Variants in NPHP4 observed in about 807,000 individuals in gnomAD.
NPHP4 encodes the protein nephrocystin-4.
NPHP4 carries 151 observed loss-of-function variants against 155.8 expected under a neutral mutation model. That is an observed-to-expected ratio of 0.97 (90% CI 0.85 to 1.11). The LOEUF is 1.11. Among genes scored for constraint, NPHP4 ranks in the 50% least tolerant of loss-of-function variants. NPHP4 has a pLI of 0.00. For missense variants in NPHP4, 1,956 were observed against 1,925.7 expected (o/e 1.02, Z -0.29); for synonymous variants, 845 against 816.8 (o/e 1.03, Z -0.59).
intron 1 of NPHP4, among the ~76,000 whole-genome samples, chr1:5,986,955 C>T (rs915495261): frequency 6.6e-6 from 1 of 152,056 alleles, no homozygotes; most frequent in African/African-American, 2.4e-5. Context: ...AGAGGGAATA[C>T]AGCCCTTGGG....
rs1222176472 is a variant in NPHP4, at chr1:5,889,985, A to T, written c.2304+883T>A. Among the ~76,000 whole-genome samples, 2 of 152,158 alleles carry T rather than the reference A, an allele frequency of 1.3e-5. No homozygotes were observed. The highest frequency in any genetic ancestry group is 6.5e-5 in the Admixed American group (1 of 15,284). ...CCAAGAGCAGACCATGCCTCAGAGG[A>T]AGAGCAGCTGGAAAAACTCCCATAC... On this transcript the variant is annotated intron_variant, in intron 17 of 29. Coordinates refer to ENST00000378156, the MANE Select transcript of NPHP4 (RefSeq NM_015102.5). The surrounding 1 kb of genome is among the most constrained non-coding windows in gnomAD (Gnocchi z 4.2).
At chr1:5,901,692 G>A (rs1316074554) in intron 16 of NPHP4, among the ~76,000 whole-genome samples, 1 of 152,182 alleles carries the variant, frequency 6.6e-6, no homozygotes, top group African/African-American at 2.4e-5. Flanking sequence ...TAACTTCGTT[G>A]CAGAGCCTCT....
chr1:5,969,556 C>G (rs1188954201), intron 3 of NPHP4, among the ~76,000 whole-genome samples: 3 of 152,198 alleles, frequency 2.0e-5, no homozygotes, highest in African/African-American at 7.2e-5. Flanking sequence ...AGGAATTCCA[C>G]CACAAGAAAC....
intron 9 of NPHP4, among the ~76,000 whole-genome samples, chr1:5,940,853 T>C (rs893800328): frequency 2.6e-5 from 4 of 152,246 alleles, no homozygotes; most frequent in African/African-American, 9.6e-5. Flanking sequence ...CTAAACATCC[T>C]TGAGATGTAA....
At chr1:5,869,802 A>G (rs1641813230) in intron 23 of NPHP4, among the ~76,000 whole-genome samples, 1 of 152,222 alleles carries the variant, frequency 6.6e-6, no homozygotes, top group African/African-American at 2.4e-5. Context: ...TTAGGCAAAT[A>G]AGTAAGCCAA....
chr1:5,919,432 C>T (rs893019465), intron 11 of NPHP4, among the ~76,000 whole-genome samples: 2 of 152,190 alleles, frequency 1.3e-5, no homozygotes, highest in African/African-American at 4.8e-5. Context: ...GCACGTGATT[C>T]TTCTTGCTAC....
In NPHP4 at chr1:5,927,787, C is replaced by A; in HGVS notation, c.1303G>T (p.Val435Leu). The part of the protein sequence containing the change: ...VPSASMSSEE[V>L]KQVESGTLRF... ...AGTGTACCCGACTCCACCTGCTTCACCTGCAATGGACCAGAAGAGCAGTGA... is the reference window on the plus strand; with the variant it reads ...AGTGTACCCGACTCCACCTGCTTCAACTGCAATGGACCAGAAGAGCAGTGA... The change falls in exon 11 of 30, where the codon GTG (valine) becomes TTG (leucine). Residue 435 changes from valine (V) to leucine (L), a missense_variant and splice_region_variant. Coordinates refer to ENST00000378156, the MANE Select transcript of NPHP4 (RefSeq NM_015102.5). The A allele has an allele frequency of 6.2e-7, 1 of 1,609,362 alleles. No individual in the cohort carries two copies. The highest frequency in any genetic ancestry group is 8.5e-7 in the Non-Finnish European group (1 of 1,176,036).
At chr1:5,937,888 A>G (rs1050601792) in intron 9 of NPHP4, among the ~76,000 whole-genome samples, 21 of 152,218 alleles carry the variant, frequency 1.4e-4, no homozygotes, top group African/African-American at 3.9e-4. Flanking sequence ...GAGGCCTAAG[A>G]TAAGTGTGAG....
chr1:5,929,410 A>G (rs929352904), intron 10 of NPHP4, among the ~76,000 whole-genome samples: 1 of 152,184 alleles, frequency 6.6e-6, no homozygotes, highest in Non-Finnish European at 1.5e-5. Flanking sequence ...GTCTTTCACC[A>G]TTAAGTATGA....
chr1:5,948,171 G>A lies in NPHP4; in HGVS notation c.891C>T (p.Phe297=), dbSNP rs547403324. 5.4e-5 allele frequency: 87 copies of A among 1,612,910 alleles called. No individual in the cohort carries two copies. The highest frequency in any genetic ancestry group is 1.7e-4 in the Middle Eastern group (1 of 6,060). ...LRVGVHNGLG[F]VQRPQVVVLV... ...GTACAACGACCTGCGGCCTCTGCAC[G>A]AAGCCCAGACCATTGTGCACGCCCA... The change falls in exon 8 of 30, where the codon TTC becomes TTT. Residue 297 remains phenylalanine, a synonymous_variant. Coordinates refer to ENST00000378156, the MANE Select transcript of NPHP4 (RefSeq NM_015102.5).
At chr1:5,973,837 C>T (rs1170488194) in intron 3 of NPHP4, among the ~76,000 whole-genome samples, 10 of 152,222 alleles carry the variant, frequency 6.6e-5, no homozygotes, top group Admixed American at 3.9e-4. Flanking sequence ...CAGCTGCAAA[C>T]AGACAGGCAC....
At chr1:5,894,448 TCA>T (rs1644295117) in intron 16 of NPHP4, among the ~76,000 whole-genome samples, 1 of 132,030 alleles carries the variant, frequency 7.6e-6, no homozygotes, top group African/African-American at 2.8e-5. Flanking sequence ...AGACCCAGTC[TCA>T]AAAAAAAAAA....
At chr1:5,897,665 G>A (rs12728066) in intron 16 of NPHP4, among the ~76,000 whole-genome samples, 18,518 of 152,176 alleles carry the variant, frequency 0.12, 1,384 homozygotes, top group Non-Finnish European at 0.16. Context: ...AAAGAATGCA[G>A]GCGACTACGA....
intron 6 of NPHP4, among the ~76,000 whole-genome samples, chr1:5,958,898 A>G (rs1356141387): frequency 6.7e-6 from 1 of 148,668 alleles, no homozygotes; most frequent in African/African-American, 2.5e-5. Flanking sequence ...TCTGGCTGTC[A>G]TTACATACAT....
At chr1:5,933,025 T>C (rs1646356264) in intron 10 of NPHP4, 122 bp downstream of exon 10, 1 of 738,678 alleles carries the variant, frequency 1.4e-6, no homozygotes, top group African/African-American at 1.8e-5. Context: ...GGCATACCCA[T>C]GACATGAAAA....
Position 5,978,723 on chromosome 1 carries a change from C to T in NPHP4, c.136-310G>A, listed in dbSNP as rs557898242. ...ACACATGCGCCTGCCAGGATGAGGC[C>T]CAGGGCTCCCAGCAGCCAACAGGTG... On this transcript the variant is annotated intron_variant, in intron 2 of 29. Coordinates refer to ENST00000378156, the MANE Select transcript of NPHP4 (RefSeq NM_015102.5). Among the ~76,000 whole-genome samples, 3 of 152,214 alleles carry T rather than the reference C, an allele frequency of 2.0e-5. No homozygotes were observed. The East Asian group carries it at 5.8e-4, about 29-fold the overall frequency.
Position 5,969,095 on chromosome 1 carries a change from C to T in NPHP4, c.444G>A (p.Gln148=). ...AGAAACAAGGCAGGTACCTTTTGTC[C>T]TGGGAAGCAGAGATAGGAGAGTCCG... is the stretch of plus-strand genomic sequence containing the variant. ...NQPDSPISAS[Q]DKRLRLYHGT... The change falls in exon 4 of 30, where the codon CAG becomes CAA. Residue 148 remains glutamine (Q), a synonymous_variant. Coordinates refer to ENST00000378156, the MANE Select transcript of NPHP4 (RefSeq NM_015102.5). The T allele has an allele frequency of 6.5e-7, 1 of 1,549,480 alleles. No individual in the cohort carries two copies. Among genetic ancestry groups the T allele is most frequent in the Non-Finnish European group, 8.7e-7 (1 of 1,145,306 alleles).
At chr1:5,948,599 A>G (rs1023440019) in intron 7 of NPHP4, among the ~76,000 whole-genome samples, 7 of 152,132 alleles carry the variant, frequency 4.6e-5, no homozygotes, top group Non-Finnish European at 7.3e-5. Context: ...GGCTCCTTCA[A>G]GACTCCTCCA....
intron 2 of NPHP4, among the ~76,000 whole-genome samples, chr1:5,981,451 A>G (rs575771508): frequency 4.4e-4 from 67 of 152,232 alleles, no homozygotes; most frequent in Non-Finnish European, 7.9e-4. Context: ...ATAAAGAAAT[A>G]TAAGCAATGA....
Sources: gnomAD v4.1 joint callset for allele counts (sites outside exome capture counted in the v4.1 genomes callset) on GRCh38, gnomAD v4.1.1 for gene constraint, Gnocchi (gnomAD v3.1) non-coding constraint, MANE v1.5 for transcripts, NCBI Gene and HGNC (gene_info 2026-07-23, HGNC 2026-07-21) for gene names.